Variants in RCBTB1 observed in about 807,000 individuals in gnomAD.
RCBTB1 encodes the protein RCC1 and BTB domain-containing protein 1.
Under a neutral mutation model 62.4 loss-of-function variants are expected in RCBTB1, and 46 were observed. That is an observed-to-expected ratio of 0.74 (90% CI 0.58 to 0.94). The LOEUF is 0.94. Ranked by LOEUF, RCBTB1 falls within the 40% of genes least tolerant of loss-of-function variation. The pLI is 0.00. For missense variants in RCBTB1, 565 were observed against 654.9 expected (o/e 0.86, Z 1.50); for synonymous variants, 222 against 245.8 (o/e 0.90, Z 0.91).
chr13:49,558,122 T>C (rs1332534590), intron 5 of RCBTB1, among the ~76,000 whole-genome samples: 4 of 152,212 alleles, frequency 2.6e-5, no homozygotes, highest in Non-Finnish European at 5.9e-5. Flanking sequence ...GCATGTCCCA[T>C]GTCTGTGTGG....
intron 2 of RCBTB1, among the ~76,000 whole-genome samples, chr13:49,580,198 A>G (rs925028249): frequency 1.3e-5 from 2 of 152,230 alleles, no homozygotes; most frequent in Non-Finnish European, 1.5e-5. Flanking sequence ...GATTAGAAAT[A>G]ATGTTTTTTC....
At chr13:49,555,765 T>C in intron 5 of RCBTB1, 92 bp from the exon 6 acceptor site, 1 of 932,824 alleles carries the variant, frequency 1.1e-6, no homozygotes. Context: ...ATTATCCTAC[T>C]TAATGAGTAC....
At chr13:49,583,344 C>T (rs1456071542) in intron 1 of RCBTB1, among the ~76,000 whole-genome samples, 2 of 151,880 alleles carry the variant, frequency 1.3e-5, no homozygotes, top group Non-Finnish European at 2.9e-5. Context: ...CTGGTCTCCT[C>T]TGTGAGCTTT....
chr13:49,552,353 C>A lies in RCBTB1; in HGVS notation c.604-68G>T, dbSNP rs1343485641. ...TGGTAAGAAGGAAGAGACAAAAAAA[C>A]CAGCCCATCTAAACAAATCAGATAC... On this transcript the variant is annotated intron_variant, in intron 6 of 12. Transcript: ENST00000378302. The A allele has an allele frequency of 7.2e-6, 7 of 966,112 alleles. No individual in the cohort carries two copies. In the Admixed American group the frequency reaches 9.1e-5, roughly 13 times the overall value. 59.8% of individuals were successfully genotyped at this position (966,112 alleles called of 1,614,324 possible).
chr13:49,561,856 C>T (rs1962450553), intron 4 of RCBTB1, among the ~76,000 whole-genome samples: 1 of 151,668 alleles, frequency 6.6e-6, no homozygotes, highest in South Asian at 2.1e-4. Context: ...CTTTGGGAGG[C>T]CGAGGCAAGT....
At chr13:49,576,031 G>A (rs1012677567) in intron 2 of RCBTB1, among the ~76,000 whole-genome samples, 1 of 151,600 alleles carries the variant, frequency 6.6e-6, no homozygotes. Context: ...CTAAAAATAC[G>A]AAAAAATTAG....
At chr13:49,538,460 C>T (rs1361344930) in intron 12 of RCBTB1, among the ~76,000 whole-genome samples, 1 of 152,162 alleles carries the variant, frequency 6.6e-6, no homozygotes, top group African/African-American at 2.4e-5. Context: ...CCTATAATCC[C>T]AGCACTTTGG....
chr13:49,575,290 A>G (rs1276170259), intron 2 of RCBTB1, among the ~76,000 whole-genome samples: 4 of 152,250 alleles, frequency 2.6e-5, no homozygotes, highest in African/African-American at 9.6e-5. Flanking sequence ...AGGCAACACT[A>G]TACACTGTTA....
Position 49,541,888 on chromosome 13 carries a change from A to T in RCBTB1, c.1173-61T>A, listed in dbSNP as rs574977658. 2.8e-5 allele frequency: 43 copies of T among 1,511,826 alleles called. No individual in the cohort carries two copies. The East Asian group carries it at 9.2e-4, about 32-fold the overall frequency. The allele number at this position is 1,511,826 out of a possible 1,614,324, so 93.7% of individuals were successfully genotyped here. ...AGCAATTTTTAAAAAAGAAAAAAAA[A>T]TTACCTAATTAAGTTGATAAAATCA... is the stretch of plus-strand genomic sequence containing the variant. On this transcript the variant is annotated intron_variant, in intron 10 of 12. Coordinates refer to ENST00000378302, the MANE Select transcript of RCBTB1 (RefSeq NM_018191.4).
intron 2 of RCBTB1, among the ~76,000 whole-genome samples, chr13:49,569,819 A>C (rs1484911854): frequency 6.6e-6 from 1 of 152,078 alleles, no homozygotes; most frequent in East Asian, 1.9e-4. Flanking sequence ...AGGTGAGAGG[A>C]TTGCTTGAAC....
chr13:49,560,198 C>A lies in RCBTB1; in HGVS notation c.278-114G>T, dbSNP rs1206661049. The stretch of plus-strand genomic sequence containing the variant: ...CCAACCTTCATTTCTCTCCCATTGC[C>A]CCCTCCTCTCTATTAAGTAACCATG... On this transcript the variant is annotated intron_variant, in intron 4 of 12. Coordinates refer to ENST00000378302, the MANE Select transcript of RCBTB1 (RefSeq NM_018191.4). 3 of 1,122,144 alleles carry A rather than the reference C, an allele frequency of 2.7e-6. No individual in the cohort carries two copies. In the African/African-American group the frequency reaches 4.7e-5, roughly 18 times the overall value. The allele number at this position is 1,122,144 out of a possible 1,614,324, so 69.5% of individuals were successfully genotyped here.
intron 2 of RCBTB1, among the ~76,000 whole-genome samples, chr13:49,567,597 C>T (rs1228903183): frequency 6.6e-6 from 1 of 152,090 alleles, no homozygotes; most frequent in Non-Finnish European, 1.5e-5. Context: ...GCTTCCAACT[C>T]ACCCTCTTCT....
chr13:49,572,778 T>C (rs1963495148), intron 2 of RCBTB1, among the ~76,000 whole-genome samples: 1 of 152,162 alleles, frequency 6.6e-6, no homozygotes, highest in Admixed American at 6.5e-5. Flanking sequence ...TCCTGAGTGA[T>C]AAGAGTGAGA....
chr13:49,551,010 G>A (rs1961278527), intron 8 of RCBTB1, among the ~76,000 whole-genome samples: 1 of 151,662 alleles, frequency 6.6e-6, no homozygotes, highest in African/African-American at 2.4e-5. Flanking sequence ...GGCTGAGGCA[G>A]AAGAATCACT....
Position 49,540,943 on chromosome 13 carries a change from A to G in RCBTB1, c.1388T>C (p.Ile463Thr). 1 of 1,613,854 alleles carries G rather than the reference A, an allele frequency of 6.2e-7. No individual in the cohort carries two copies. The highest frequency in any genetic ancestry group is 1.7e-5 in the Admixed American group (1 of 60,026). The change falls in exon 12 of 13, where the codon ATC (isoleucine) becomes ACC (threonine). Residue 463 changes from isoleucine (I) to threonine (T), a missense_variant. Transcript: ENST00000378302. Reference protein sequence around the residue: ...NRLKKLCQHIIKRGITVENAF... With the variant: ...NRLKKLCQHITKRGITVENAF... Reference sequence around the variant, plus strand: ...ATTCTCCACAGTAATTCCTCTCTTGATAATGTGCTGACAAAGTTTTTTCAG... The same window carrying G: ...ATTCTCCACAGTAATTCCTCTCTTGGTAATGTGCTGACAAAGTTTTTTCAG...
chr13:49,534,126 T>C lies in RCBTB1; in HGVS notation c.1592A>G (p.Asn531Ser), dbSNP rs1160237711. 1 of 1,613,654 alleles carries C rather than the reference T, an allele frequency of 6.2e-7. No homozygotes were observed. Among genetic ancestry groups the C allele is most frequent in the Non-Finnish European group, 8.5e-7 (1 of 1,179,860 alleles). The change falls in exon 13 of 13, where the codon AAC becomes AGC. Residue 531 changes from asparagine (N) to serine (S), a missense_variant. Asn to Ser is a conservative substitution (Grantham distance 46). Coordinates refer to ENST00000378302, the MANE Select transcript of RCBTB1 (RefSeq NM_018191.4). ...AGAACCCAGCAGCCTTGCGCTTCAG[T>C]TCTTAAAGGCTCCACATTTACTGGC... ...AKASKCGAFK[N>S]
At chr13:49,561,929 T>TAA (rs58254547) in intron 4 of RCBTB1, among the ~76,000 whole-genome samples, 1 of 134,706 alleles carries the variant, frequency 7.4e-6, no homozygotes, top group East Asian at 2.1e-4. Flanking sequence ...CCACATCTAC[T>TAA]AAAAAAAAAA....
At chr13:49,563,083 G>A (rs1446694074) in intron 4 of RCBTB1, among the ~76,000 whole-genome samples, 1 of 151,540 alleles carries the variant, frequency 6.6e-6, no homozygotes, top group Non-Finnish European at 1.5e-5. Flanking sequence ...AGCTTCCAAA[G>A]AGGAAAAAAC....
At chr13:49,544,241 G>A (rs926369459) in intron 10 of RCBTB1, among the ~76,000 whole-genome samples, 5 of 152,086 alleles carry the variant, frequency 3.3e-5, no homozygotes, top group African/African-American at 7.2e-5. Flanking sequence ...AGGCTGAGGC[G>A]GGCAGATCAC....
Sources: allele counts gnomAD v4.1 joint callset (sites outside exome capture counted in the v4.1 genomes callset), GRCh38; gene constraint gnomAD v4.1.1; transcripts MANE v1.5; gene names NCBI Gene and HGNC (gene_info 2026-07-23, HGNC 2026-07-21).